MYO1D: variants seen among roughly 807,000 people sequenced by gnomAD.
MYO1D encodes unconventional myosin-Id.
A neutral mutation model predicts 122.0 loss-of-function variants in MYO1D; 83 were observed. The ratio of observed to expected loss-of-function variants is 0.68; its 90% CI spans 0.57 to 0.82. The LOEUF (loss-of-function observed/expected upper bound fraction) is 0.82. Among genes scored for constraint, MYO1D ranks in the 40% least tolerant of loss-of-function variants. The probability of loss-of-function intolerance (pLI) is 0.00; values close to 1 mark genes in which losing one functional copy is unlikely to be tolerated. For synonymous variants in MYO1D, 464 were observed against 446.9 expected (o/e 1.04, Z -0.48); for missense variants, 1,157 against 1,269.5 (o/e 0.91, Z 1.35).
chr17:32,863,649 A>G (rs1373655026), intron 1 of MYO1D, among the ~76,000 whole-genome samples: 1 of 152,284 alleles, frequency 6.6e-6, no homozygotes, highest in East Asian at 1.9e-4. Flanking sequence ...ACAACTTTTT[A>G]TAACTACAGT....
chr17:32,730,076 T>A (rs1465458109), intron 14 of MYO1D, among the ~76,000 whole-genome samples: 1 of 151,820 alleles, frequency 6.6e-6, no homozygotes, highest in Non-Finnish European at 1.5e-5. Context: ...TTTCTTCTTT[T>A]TTATGTTTTT....
chr17:32,764,652 T>C (rs1665226759), intron 8 of MYO1D, among the ~76,000 whole-genome samples: 1 of 152,202 alleles, frequency 6.6e-6, no homozygotes, highest in Admixed American at 6.5e-5. Context: ...GAAGCCCTCA[T>C]GAGCGCCACC....
chr17:32,793,323 T>TA (rs1555542845), intron 1 of MYO1D, among the ~76,000 whole-genome samples: 4,990 of 151,098 alleles, frequency 0.033, 259 homozygotes, highest in African/African-American at 0.11. Context: ...TTTTTTTTTT[T>TA]AAACTTATTC....
At position 32,638,726 on chromosome 17, in the gene MYO1D, T is replaced by A. The variant is rs184115004; in HGVS notation, c.2705A>T (p.Tyr902Phe). The change falls in exon 20 of 22, where the codon TAC (tyrosine) becomes TTC (phenylalanine). Residue 902 changes from tyrosine to phenylalanine, a missense_variant. Physicochemically the swap from Tyr to Phe is conservative, Grantham distance 22 (BLOSUM62 3). Coordinates refer to ENST00000318217, the MANE Select transcript of MYO1D (RefSeq NM_015194.3). Reference sequence around the variant, plus strand: ...AGAGAAGCACAGAGGACTTACATTGTATAGAGGGATAGTCTTCATCACCTT... The same window carrying A: ...AGAGAAGCACAGAGGACTTACATTGAATAGAGGGATAGTCTTCATCACCTT... ...QYKVMKTIPL[Y>F]NLTGLSVSNG... 3.7e-6 allele frequency: 6 copies of A among 1,605,926 alleles called. No homozygotes were observed. The South Asian group carries it at 6.6e-5, about 18-fold the overall frequency.
intron 16 of MYO1D, among the ~76,000 whole-genome samples, chr17:32,676,208 A>G (rs1250063843): frequency 6.6e-6 from 1 of 152,184 alleles, no homozygotes; most frequent in Non-Finnish European, 1.5e-5. Flanking sequence ...CCTCATTTCC[A>G]AAATCTACCA....
intron 16 of MYO1D, among the ~76,000 whole-genome samples, chr17:32,662,382 G>C (rs2088577791): frequency 6.6e-6 from 1 of 152,188 alleles, no homozygotes; most frequent in Non-Finnish European, 1.5e-5. Context: ...CCACTCTTAA[G>C]AGCTGCGCAG....
chr17:32,813,179 A>G (rs2090586516), intron 1 of MYO1D, among the ~76,000 whole-genome samples: 2 of 152,222 alleles, frequency 1.3e-5, no homozygotes, highest in Admixed American at 1.3e-4. Context: ...GTCTGAAAAA[A>G]GACTAGGTTC....
chr17:32,517,114 C>A (rs1270436220), intron 21 of MYO1D, among the ~76,000 whole-genome samples: 1 of 152,226 alleles, frequency 6.6e-6, no homozygotes, highest in Non-Finnish European at 1.5e-5. Flanking sequence ...ACTGGCCCAA[C>A]TTTATTGGCA....
At chr17:32,694,742 C>T (rs895424249) in intron 16 of MYO1D, among the ~76,000 whole-genome samples, 2 of 142,934 alleles carry the variant, frequency 1.4e-5, no homozygotes, top group African/African-American at 5.1e-5. Flanking sequence ...AAATTTGCTA[C>T]TTCTTTTGTT....
Position 32,588,548 on chromosome 17 carries a change from A to G in MYO1D, c.2864+16539T>C, listed in dbSNP as rs529203626. Among the ~76,000 whole-genome samples, 167 of 152,172 alleles carry G rather than the reference A, an allele frequency of 1.1e-3. 1 individual carries two copies. The highest frequency in any genetic ancestry group is 9.7e-4 in the Non-Finnish European group (66 of 68,028). ...GCTGTTAGAAGGGACATATTCAAGG[A>G]GTTTTTTCAAGACTAGTTTTTGGTA... On this transcript the variant is annotated intron_variant, in intron 21 of 21. Transcript: ENST00000318217.
At chr17:32,792,923 T>C (rs762855332) in intron 1 of MYO1D, among the ~76,000 whole-genome samples, 37 of 152,230 alleles carry the variant, frequency 2.4e-4, no homozygotes, top group Non-Finnish European at 4.1e-4. Flanking sequence ...TTTAGAGTCA[T>C]ACAGCACTGG....
In MYO1D at chr17:32,760,515, T is replaced by A; in HGVS notation, c.1148A>T (p.Asp383Val). 1 of 1,613,986 alleles carries A rather than the reference T, an allele frequency of 6.2e-7. No homozygotes were observed. Among genetic ancestry groups the A allele is most frequent in the South Asian group, 1.1e-5 (1 of 91,038 alleles). Residue 383 changes from aspartate to valine, a missense_variant, in exon 9 of 22, where the codon GAT becomes GTT. By Grantham distance (152) the Asp-to-Val change is radical (BLOSUM62 -3). Coordinates refer to ENST00000318217, the MANE Select transcript of MYO1D (RefSeq NM_015194.3). ...HGKNTVIGVL[D>V]IYGFEIFDNN... ...GTCAAAGATTTCAAAGCCATAGATA[T>A]CCAAGACACCAATAACAGTGTTTTT...
intron 1 of MYO1D, among the ~76,000 whole-genome samples, chr17:32,866,972 T>C (rs1393525571): frequency 6.6e-6 from 1 of 152,202 alleles, no homozygotes. Context: ...TCCCTCATAA[T>C]ATAGTACATA....
chr17:32,711,040 C>T (rs550443120), intron 16 of MYO1D, among the ~76,000 whole-genome samples: 2 of 152,278 alleles, frequency 1.3e-5, no homozygotes, highest in Non-Finnish European at 2.9e-5. Flanking sequence ...TATGACCCAG[C>T]AACTTTTCAC....
At chr17:32,832,717 C>T (rs991115804) in intron 1 of MYO1D, among the ~76,000 whole-genome samples, 7 of 151,976 alleles carry the variant, frequency 4.6e-5, no homozygotes, top group African/African-American at 9.7e-5. Context: ...ATTAAAATGG[C>T]GAATTTCACC....
intron 1 of MYO1D, among the ~76,000 whole-genome samples, chr17:32,868,629 G>A (rs772025626): frequency 1.3e-5 from 2 of 152,158 alleles, no homozygotes; most frequent in Non-Finnish European, 2.9e-5. Context: ...ATTCGGGAAG[G>A]ATTCAGGAAG....
At chr17:32,791,279 G>A (rs527882777) in intron 1 of MYO1D, among the ~76,000 whole-genome samples, 126 of 148,984 alleles carry the variant, frequency 8.5e-4, no homozygotes, top group African/African-American at 1.0e-3. Context: ...CAGGAGAATC[G>A]CTTGAACCGA....
rs10523328 is a variant in MYO1D at position 32,677,580 on chromosome 17, AATATATATATATATATATATATATATAT to A, written c.2122-18270_2122-18243del. On this transcript the variant is annotated intron_variant, in intron 16 of 21. Coordinates refer to ENST00000318217, the MANE Select transcript of MYO1D (RefSeq NM_015194.3). The stretch of plus-strand genomic sequence containing the variant: ...TCATCAGGGGATATATAGATAGATA[AATATATATATATATATATATATATATAT>A]ATATATATATATATGCACACAGACA... Among the ~76,000 whole-genome samples the A allele has an allele frequency of 2.5e-4, 34 of 135,896 alleles. 1 individual carries two copies. The highest frequency in any genetic ancestry group is 2.5e-3 in the East Asian group (11 of 4,398). The allele number at this position is 135,896 out of a possible 152,430, so 89.2% of individuals were successfully genotyped here.
Position 32,494,699 on chromosome 17 carries a change from C to T in MYO1D, c.*60G>A. 1 of 1,508,362 alleles carries T rather than the reference C, an allele frequency of 6.6e-7. No individual in the cohort carries two copies. The highest frequency in any genetic ancestry group is 1.3e-5 in the South Asian group (1 of 78,016). 93.4% of individuals were successfully genotyped at this position (1,508,362 alleles called of 1,614,324 possible). A position where few individuals can be genotyped will look rare whatever the true frequency, so the allele number is the denominator to read the frequency against. On this transcript the variant is annotated 3_prime_UTR_variant, in exon 22 of 22. Transcript: ENST00000318217. ...GCGGGCATGGGTTGGGAGGCAGCAGCTGGACTGGGACCCAGGACTCGGAGT... is the reference window on the plus strand; with the variant it reads ...GCGGGCATGGGTTGGGAGGCAGCAGTTGGACTGGGACCCAGGACTCGGAGT...
Sources: allele counts gnomAD v4.1 joint callset (sites outside exome capture counted in the v4.1 genomes callset), GRCh38; gene constraint gnomAD v4.1.1; transcripts MANE v1.5; gene names NCBI Gene and HGNC (gene_info 2026-07-23, HGNC 2026-07-21).